MED13L: variants seen among roughly 807,000 people sequenced by gnomAD.
MED13L encodes mediator of RNA polymerase II transcription subunit 13-like.
In MED13L, 7 loss-of-function variants were observed where a neutral mutation model predicts 220.9. That is an observed-to-expected ratio of 0.03 (90% confidence interval 0.02 to 0.06). The LOEUF is 0.06. Among genes scored for constraint, MED13L ranks in the 10% least tolerant of loss-of-function variants. MED13L has a pLI of 1.00. For missense variants in MED13L, 1,965 were observed against 2,760.5 expected (o/e 0.71, Z 6.46); for synonymous variants, 1,011 against 1,015.2 (o/e 1.00, Z 0.08).
intron 24 of MED13L, 96 bp from the exon 25 acceptor site, chr12:115,975,409 T>C: frequency 6.3e-7 from 1 of 1,599,198 alleles, no homozygotes; most frequent in East Asian, 2.3e-5. Flanking sequence ...CCAAAGAACC[T>C]ATCCATGCTG....
intron 1 of MED13L, among the ~76,000 whole-genome samples, chr12:116,252,534 G>A (rs752749803): frequency 7.2e-5 from 11 of 151,952 alleles, no homozygotes; most frequent in Non-Finnish European, 1.0e-4. Flanking sequence ...GTGACAATGT[G>A]TCTCAAAATA....
At position 115,970,576 on chromosome 12, in the gene MED13L, T is replaced by C; in HGVS notation, c.6067+18A>G. 3 of 1,612,562 alleles carry C rather than the reference T, an allele frequency of 1.9e-6. No homozygotes were observed. Among genetic ancestry groups the C allele is most frequent in the Non-Finnish European group, 2.5e-6 (3 of 1,178,816 alleles). ...CCTGCATGAAGGTGAGCACTATCCATACAGGTCTTCTACTCACCATTGTTG... is the reference window on the plus strand; with the variant it reads ...CCTGCATGAAGGTGAGCACTATCCACACAGGTCTTCTACTCACCATTGTTG... On this transcript the variant is annotated intron_variant, in intron 27 of 30. Transcript: ENST00000281928.
intron 30 of MED13L, among the ~76,000 whole-genome samples, chr12:115,962,419 C>T (rs925657757): frequency 2.6e-5 from 4 of 152,136 alleles, no homozygotes; most frequent in Non-Finnish European, 5.9e-5. Flanking sequence ...GGCTGTAATG[C>T]TCGCTCACTT....
chr12:115,993,330 C>T lies in MED13L; in HGVS notation c.2997-1373G>A, dbSNP rs145735177. Reference sequence around the variant, plus strand: ...GAATATTTTTAAAATTTTTTAATATCCTTTTATATATATTAATACTGTACT... The same window carrying T: ...GAATATTTTTAAAATTTTTTAATATTCTTTTATATATATTAATACTGTACT... On this transcript the variant is annotated intron_variant, in intron 16 of 30. Transcript: ENST00000281928. Among the ~76,000 whole-genome samples, 79 of 152,156 alleles carry T rather than the reference C, an allele frequency of 5.2e-4. 3 individuals carry two copies. The highest frequency in any genetic ancestry group is 1.8e-3 in the African/African-American group (76 of 41,542).
Position 115,961,211 on chromosome 12 carries a change from G to A in MED13L, c.*55C>T. ...ATTTGCAGAGTGTAGCAGGTTCCTTGGACTGAGGTTGCAGGGAGAAGGAAC... is the reference window on the plus strand; with the variant it reads ...ATTTGCAGAGTGTAGCAGGTTCCTTAGACTGAGGTTGCAGGGAGAAGGAAC... On this transcript the variant is annotated 3_prime_UTR_variant, in exon 31 of 31. Transcript: ENST00000281928. The A allele has an allele frequency of 6.2e-7, 1 of 1,605,284 alleles. No individual in the cohort carries two copies. The highest frequency in any genetic ancestry group is 8.5e-7 in the Non-Finnish European group (1 of 1,172,246).
In MED13L at chr12:115,975,729, G is replaced by A. The variant is rs1485458232; in HGVS notation, c.5374C>T (p.Pro1792Ser). ...AAGGGAGGGGAGTAAAGCTGGATTG[G>A]GCTGGGCCGCTGAAATCAAAACCAA... Reference protein sequence around the residue: ...MTLKNPERPSPIQLYSPPFIL... With the variant: ...MTLKNPERPSSIQLYSPPFIL... The change falls in exon 24 of 31, where the codon CCA becomes TCA. Residue 1792 changes from proline to serine, a missense_variant. By Grantham distance (74) the Pro-to-Ser change is moderately conservative (BLOSUM62 -1). Coordinates refer to ENST00000281928, the MANE Select transcript of MED13L (RefSeq NM_015335.5). 6.2e-7 allele frequency: 1 copy of A among 1,613,714 alleles called. No homozygotes were observed. Among genetic ancestry groups the A allele is most frequent in the African/African-American group, 1.3e-5 (1 of 74,860 alleles).
intron 1 of MED13L, among the ~76,000 whole-genome samples, chr12:116,241,310 AAAAAAAC>A (rs1870619575): frequency 6.6e-6 from 1 of 150,458 alleles, no homozygotes; most frequent in African/African-American, 2.5e-5. Context: ...TCTCTTTAAA[AAAAAAAC>A]AAAAAACAAA....
rs58809334 is a variant in MED13L at position 116,249,734 on chromosome 12, CAAAAAAAAAAA to C, written c.73-12040_73-12030del. 1.1e-3 allele frequency among the ~76,000 whole-genome samples: 21 copies of C among 19,590 alleles called. 1 individual carries two copies. Among genetic ancestry groups the C allele is most frequent in the Admixed American group, 3.1e-3 (4 of 1,270 alleles). 12.9% of individuals were successfully genotyped at this position (19,590 alleles called of 152,430 possible). On this transcript the variant is annotated intron_variant, in intron 1 of 30. Transcript: ENST00000281928. ...TTTAACAGCAGATTAAGTACCTACC[CAAAAAAAAAAA>C]AAAAAAAAAAAAAAAGTCAGGGCTT... is the stretch of plus-strand genomic sequence containing the variant.
At chr12:116,213,365 T>C (rs572461137) in intron 2 of MED13L, among the ~76,000 whole-genome samples, 58 of 151,278 alleles carry the variant, frequency 3.8e-4, no homozygotes, top group Admixed American at 1.9e-3. Context: ...ATAATACTAC[T>C]AAAATTATTT....
At chr12:116,095,462 C>T (rs1244031412) in intron 4 of MED13L, among the ~76,000 whole-genome samples, 3 of 152,326 alleles carry the variant, frequency 2.0e-5, no homozygotes, top group Middle Eastern at 3.4e-3. Context: ...GAAGATTCCA[C>T]AACCATTTCA....
intron 22 of MED13L, chr12:115,981,938 G>A (rs1002949132): frequency 1.5e-5 from 3 of 196,302 alleles, no homozygotes; most frequent in African/African-American, 7.2e-5. Flanking sequence ...TTCATGTACA[G>A]GTTGAATATC....
In MED13L at chr12:116,012,771, ACTATTTTG is replaced by A. The variant is rs773448552; in HGVS notation, c.1280+18_1280+25del. ...AAGATGCGCCATCATTCGATCCATT[ACTATTTTG>A]CCTTTTTTATTACCTACCTGGAACA... On this transcript the variant is annotated intron_variant, in intron 9 of 30. Transcript: ENST00000281928. The A allele has an allele frequency of 1.3e-6, 2 of 1,493,508 alleles. No individual in the cohort carries two copies. The highest frequency in any genetic ancestry group is 1.9e-6 in the Non-Finnish European group (2 of 1,070,280). The allele number at this position is 1,493,508 out of a possible 1,614,324, so 92.5% of individuals were successfully genotyped here.
At chr12:116,133,106 G>C (rs906150307) in intron 2 of MED13L, among the ~76,000 whole-genome samples, 2 of 152,150 alleles carry the variant, frequency 1.3e-5, no homozygotes, top group Non-Finnish European at 2.9e-5. Flanking sequence ...AAGAATCTTT[G>C]ACCATTCGAT....
intron 16 of MED13L, 80 bp from the exon 17 acceptor site, chr12:115,992,037 G>A (rs1878097094): frequency 8.3e-7 from 1 of 1,205,550 alleles, no homozygotes; most frequent in Non-Finnish European, 1.2e-6. Flanking sequence ...CCCCAGCCAT[G>A]TACTGTGTAT....
intron 1 of MED13L, among the ~76,000 whole-genome samples, chr12:116,272,470 G>C: frequency 6.6e-6 from 1 of 151,894 alleles, no homozygotes; most frequent in Non-Finnish European, 1.5e-5. Context: ...GCTGAGGCAA[G>C]AGAATCCCTT....
At chr12:116,148,074 A>AAAAAAAAAAAAAAAAG (rs1377801971) in intron 2 of MED13L, among the ~76,000 whole-genome samples, 1 of 98,308 alleles carries the variant, frequency 1.0e-5, no homozygotes, top group African/African-American at 3.9e-5. Flanking sequence ...AAAAAAAAAA[A>AAAAAAAAAAAAAAAAG]GAGGGGGGCG....
At chr12:116,021,669 AT>A (rs1181856477) in intron 5 of MED13L, among the ~76,000 whole-genome samples, 4 of 152,178 alleles carry the variant, frequency 2.6e-5, no homozygotes, top group Admixed American at 6.5e-5. Flanking sequence ...TTAAAATTAT[AT>A]TGTGTGATAT....
chr12:116,134,774 A>T (rs1211588982), intron 2 of MED13L, among the ~76,000 whole-genome samples: 1 of 152,042 alleles, frequency 6.6e-6, no homozygotes, highest in Non-Finnish European at 1.5e-5. Flanking sequence ...TTAAAACAAG[A>T]CCCCAAGTGT....
intron 16 of MED13L, among the ~76,000 whole-genome samples, chr12:115,994,670 C>T (rs1878283947): frequency 6.6e-6 from 1 of 152,180 alleles, no homozygotes; most frequent in Non-Finnish European, 1.5e-5. Flanking sequence ...GATTAAACTG[C>T]TGAATGGGTT....
Sources: allele counts gnomAD v4.1 joint callset (sites outside exome capture counted in the v4.1 genomes callset), GRCh38; gene constraint gnomAD v4.1.1; transcripts MANE v1.5; gene names NCBI Gene and HGNC (gene_info 2026-07-23, HGNC 2026-07-21).